The following NR6A1 variants were observed in gnomAD, a reference collection of about 807,000 sequenced individuals.
NR6A1 encodes retinoic acid receptor-related testis-associated receptor.
In NR6A1, 7 loss-of-function variants were observed where a neutral mutation model predicts 59.1. The ratio of observed to expected loss-of-function variants is 0.12; its 90% confidence interval spans 0.07 to 0.22. The LOEUF (loss-of-function observed/expected upper bound fraction) is 0.22. Among genes scored for constraint, NR6A1 ranks in the 10% least tolerant of loss-of-function variants. The pLI, the probability that NR6A1 is intolerant of heterozygous loss-of-function variation, is 1.00. For missense variants in NR6A1, 468 were observed against 611.6 expected, an observed-to-expected ratio of 0.77 and a Z score of 2.48; for synonymous variants, 243 against 236.1, an observed-to-expected ratio of 1.03 and a Z score of -0.27.
At position 124,592,996 on chromosome 9, in the gene NR6A1, T is replaced by C. The variant is rs1356158140; in HGVS notation, c.143-38426A>G. On this transcript the variant is annotated intron_variant, in intron 2 of 9. Coordinates refer to ENST00000487099, the MANE Select transcript of NR6A1 (RefSeq NM_033334.4). ...TGTTACAGGGTTTGGGAAAGGGGAATCTGAAAAATGAAAATCTGGGCTGGA... is the reference window on the plus strand; with the variant it reads ...TGTTACAGGGTTTGGGAAAGGGGAACCTGAAAAATGAAAATCTGGGCTGGA... Among the ~76,000 whole-genome samples the C allele has an allele frequency of 2.0e-5, 3 of 152,142 alleles. No individual in the cohort carries two copies. The East Asian group carries it at 5.8e-4, about 29-fold the overall frequency.
At chr9:124,721,617 GA>G (rs777974916) in intron 2 of NR6A1, among the ~76,000 whole-genome samples, 70 of 152,304 alleles carry the variant, frequency 4.6e-4, no homozygotes, top group Admixed American at 2.7e-3. Context: ...GAATAATCCT[GA>G]ATCTGAGCCA....
chr9:124,538,651 A>C (rs576185472), intron 5 of NR6A1, among the ~76,000 whole-genome samples: 1 of 152,320 alleles, frequency 6.6e-6, no homozygotes, highest in Non-Finnish European at 1.5e-5. Flanking sequence ...CTATGATGAC[A>C]AAGTAGGTAT....
At chr9:124,736,909 C>A (rs1300020524) in intron 1 of NR6A1, among the ~76,000 whole-genome samples, 1 of 152,080 alleles carries the variant, frequency 6.6e-6, no homozygotes, top group Non-Finnish European at 1.5e-5. Context: ...CAAAGTAAGA[C>A]CTCTATATAT....
chr9:124,605,126 C>T (rs1219269955), intron 2 of NR6A1, among the ~76,000 whole-genome samples: 1 of 152,210 alleles, frequency 6.6e-6, no homozygotes, highest in African/African-American at 2.4e-5. Flanking sequence ...GATCTGAAGG[C>T]TTGAAGTTGA....
At chr9:124,635,200 CCGACTTTTTACTAT>C (rs1836570026) in intron 2 of NR6A1, among the ~76,000 whole-genome samples, 2 of 152,174 alleles carry the variant, frequency 1.3e-5, no homozygotes, top group South Asian at 4.1e-4. Flanking sequence ...TTGGAAACCA[CCGACTTTTTACTAT>C]CTCTAGTTTT....
At chr9:124,642,072 C>G (rs1329230375) in intron 2 of NR6A1, among the ~76,000 whole-genome samples, 1 of 151,826 alleles carries the variant, frequency 6.6e-6, no homozygotes, top group Non-Finnish European at 1.5e-5. Context: ...TTGAGACAGT[C>G]AAGTCTTGCT....
chr9:124,770,340 G>A (rs975194472), intron 1 of NR6A1: 3 of 149,362 alleles, frequency 2.0e-5, no homozygotes, highest in Admixed American at 6.7e-5. Context: ...GCGCGAAGGG[G>A]TCCGAAAAAG....
chr9:124,619,103 T>C (rs1026059080), intron 2 of NR6A1, among the ~76,000 whole-genome samples: 1 of 151,976 alleles, frequency 6.6e-6, no homozygotes, highest in African/African-American at 2.4e-5. Context: ...ACAATCTAAT[T>C]CCCACCAACA....
intron 2 of NR6A1, among the ~76,000 whole-genome samples, chr9:124,560,690 A>C (rs1484776055): frequency 1.3e-5 from 2 of 151,996 alleles, no homozygotes; most frequent in Non-Finnish European, 2.9e-5. Context: ...CCTCCCAAGT[A>C]GCTGGGATTA....
chr9:124,709,087 T>A (rs1452495033), intron 2 of NR6A1, among the ~76,000 whole-genome samples: 1 of 152,164 alleles, frequency 6.6e-6, no homozygotes, highest in East Asian at 1.9e-4. Context: ...TCCTCTCTCA[T>A]CTCAGGCCCA....
At chr9:124,600,966 G>C (rs1263902426) in intron 2 of NR6A1, among the ~76,000 whole-genome samples, 1 of 144,016 alleles carries the variant, frequency 6.9e-6, no homozygotes, top group Non-Finnish European at 1.5e-5. Flanking sequence ...AAAAAAAAAA[G>C]ACTACAGAGT....
intron 2 of NR6A1, among the ~76,000 whole-genome samples, chr9:124,592,692 T>C (rs535915360): frequency 6.6e-6 from 1 of 152,314 alleles, no homozygotes; most frequent in East Asian, 1.9e-4. Context: ...CTCCCCTTAT[T>C]CCATTTGTCT....
chr9:124,525,910 T>A, intron 8 of NR6A1, among the ~76,000 whole-genome samples: 1 of 152,140 alleles, frequency 6.6e-6, no homozygotes, highest in East Asian at 1.9e-4. Flanking sequence ...GAGTCTAAGT[T>A]TTCTCAATGT....
At chr9:124,556,904 T>C (rs1294360314) in intron 2 of NR6A1, among the ~76,000 whole-genome samples, 1 of 151,712 alleles carries the variant, frequency 6.6e-6, no homozygotes, top group Non-Finnish European at 1.5e-5. Flanking sequence ...ACAGGCAATA[T>C]TAAGACTTGT....
intron 8 of NR6A1, among the ~76,000 whole-genome samples, chr9:124,525,596 A>C (rs1276113478): frequency 1.3e-5 from 2 of 151,846 alleles, no homozygotes; most frequent in Non-Finnish European, 2.9e-5. Flanking sequence ...GGCTCAAGTG[A>C]TCCTCCTGCC....
In NR6A1 at chr9:124,538,246, G is replaced by T. The variant is rs1469722487; in HGVS notation, c.670C>A (p.Gln224Lys). 1 of 1,614,168 alleles carries T rather than the reference G, an allele frequency of 6.2e-7. No homozygotes were observed. Among genetic ancestry groups the T allele is most frequent in the Non-Finnish European group, 8.5e-7 (1 of 1,180,024 alleles). ...YMGMSVPPHYQYIPHLFSYSG... is the reference protein window; with the variant it reads ...YMGMSVPPHYKYIPHLFSYSG... The stretch of plus-strand genomic sequence containing the variant: ...TAGCTAAAAAGGTGCGGTATATATT[G>T]GTAATGTGGAGGCACAGACATTCCC... The change falls in exon 6 of 10, where the codon CAA (glutamine) becomes AAA (lysine). Residue 224 changes from glutamine to lysine, a missense_variant. By Grantham distance (53) the Gln-to-Lys change is moderately conservative (BLOSUM62 1). Around this residue, in one of 4 missense-constraint regions of NR6A1, gnomAD observed 151 missense variants for 142.8 expected, o/e 1.06. Transcript: ENST00000487099.
chr9:124,666,765 A>T (rs1351580022), intron 2 of NR6A1, among the ~76,000 whole-genome samples: 1 of 152,196 alleles, frequency 6.6e-6, no homozygotes, highest in African/African-American at 2.4e-5. Context: ...CCAGGCACAC[A>T]GCAATAAACA....
At chr9:124,577,843 T>C (rs1312635542) in intron 2 of NR6A1, among the ~76,000 whole-genome samples, 1 of 152,240 alleles carries the variant, frequency 6.6e-6, no homozygotes, top group Non-Finnish European at 1.5e-5. Context: ...AAGCTGAAGA[T>C]AGATGGGCTC....
chr9:124,626,658 G>A (rs1193207284), intron 2 of NR6A1, among the ~76,000 whole-genome samples: 1 of 152,120 alleles, frequency 6.6e-6, no homozygotes, highest in Non-Finnish European at 1.5e-5. Flanking sequence ...GCTTCAGGCG[G>A]GGCGTGGTGG....
Sources: gnomAD v4.1 joint callset for allele counts (sites outside exome capture counted in the v4.1 genomes callset) on GRCh38, gnomAD v4.1.1 for gene constraint, gnomAD v4.1.1 regional missense constraint, MANE v1.5 for transcripts, NCBI Gene and HGNC (gene_info 2026-07-23, HGNC 2026-07-21) for gene names.